The following PTPRG variants were observed in gnomAD, a reference collection of about 807,000 sequenced individuals.
PTPRG encodes protein tyrosine phosphatase receptor type G, also known as receptor-type tyrosine-protein phosphatase gamma.
In PTPRG, 102 loss-of-function variants were observed where a neutral mutation model predicts 165.3. The ratio of observed to expected loss-of-function variants is 0.62; its 90% CI spans 0.53 to 0.73. The LOEUF (loss-of-function observed/expected upper bound fraction) is 0.73. Ranked by LOEUF, PTPRG falls within the 30% of genes least tolerant of loss-of-function variation. The pLI is 0.00. For missense variants in PTPRG, 1,866 were observed against 1,861.4 expected (o/e 1.00, Z -0.05); for synonymous variants, 675 against 669.5 (o/e 1.01, Z -0.13).
At chr3:61,647,617 C>T (rs529255046) in intron 1 of PTPRG, among the ~76,000 whole-genome samples, 21 of 151,972 alleles carry the variant, frequency 1.4e-4, no homozygotes, top group Admixed American at 6.6e-4. Flanking sequence ...AGTGAAACCC[C>T]GTCTCCACTA....
At chr3:62,286,023 G>A (rs916445671) in intron 28 of PTPRG, among the ~76,000 whole-genome samples, 1 of 152,112 alleles carries the variant, frequency 6.6e-6, no homozygotes, top group Non-Finnish European at 1.5e-5. Flanking sequence ...CACTTTTAGG[G>A]CTAATCGTAT....
chr3:61,905,502 C>T (rs531235647), intron 2 of PTPRG, among the ~76,000 whole-genome samples: 1 of 152,214 alleles, frequency 6.6e-6, no homozygotes, highest in African/African-American at 2.4e-5. Context: ...TTTTCATTTT[C>T]TCAGATTAAA....
At chr3:61,990,729 T>C (rs550648637) in intron 3 of PTPRG, among the ~76,000 whole-genome samples, 30 of 152,300 alleles carry the variant, frequency 2.0e-4, no homozygotes, top group African/African-American at 6.3e-4. Context: ...AAGCAAGTTT[T>C]TTTTTCTCTT....
chr3:62,023,143 A>G (rs958895889), intron 4 of PTPRG, among the ~76,000 whole-genome samples: 3 of 152,196 alleles, frequency 2.0e-5, no homozygotes, highest in African/African-American at 7.2e-5. Flanking sequence ...CAATAATGCT[A>G]ACAATGCATA....
intron 2 of PTPRG, among the ~76,000 whole-genome samples, chr3:61,968,255 T>G (rs778835167): frequency 3.3e-5 from 5 of 151,976 alleles, no homozygotes; most frequent in Non-Finnish European, 7.3e-5. Context: ...GATTTCATAT[T>G]CTGCTTTTTT....
intron 4 of PTPRG, among the ~76,000 whole-genome samples, chr3:62,044,538 C>CAAA (rs144902203): frequency 7.2e-6 from 1 of 139,476 alleles, no homozygotes; most frequent in African/African-American, 2.7e-5. Context: ...GACTGTATCT[C>CAAA]AAAAAAAAAA....
intron 2 of PTPRG, among the ~76,000 whole-genome samples, chr3:61,987,406 G>T (rs1400388348): frequency 6.6e-6 from 1 of 152,184 alleles, no homozygotes; most frequent in African/African-American, 2.4e-5. Flanking sequence ...TGTCTGGAAG[G>T]TTATGAGAAC....
At chr3:62,067,795 G>A (rs1273878487) in intron 4 of PTPRG, among the ~76,000 whole-genome samples, 1 of 152,106 alleles carries the variant, frequency 6.6e-6, no homozygotes, top group African/African-American at 2.4e-5. Context: ...GCTATGAGGA[G>A]CAGCTGTAAA....
At chr3:62,264,534 G>T (rs1576193731) in intron 17 of PTPRG, among the ~76,000 whole-genome samples, 1 of 152,004 alleles carries the variant, frequency 6.6e-6, no homozygotes. Context: ...CATATAAACA[G>T]ATTCATACTA....
chr3:61,940,922 C>G (rs142892821), intron 2 of PTPRG, among the ~76,000 whole-genome samples: 225 of 152,100 alleles, frequency 1.5e-3, no homozygotes, highest in African/African-American at 5.2e-3. Flanking sequence ...CCTCGGCCTC[C>G]CAAAGTGCTG....
intron 2 of PTPRG, among the ~76,000 whole-genome samples, chr3:61,986,835 T>A (rs1273444955): frequency 6.6e-6 from 1 of 152,192 alleles, no homozygotes. Context: ...ATGGGTAATA[T>A]CATGTCTGAG....
intron 8 of PTPRG, 42 bp downstream of exon 8, chr3:62,168,205 A>T: frequency 6.6e-7 from 1 of 1,521,714 alleles, no homozygotes; most frequent in Non-Finnish European, 8.9e-7. Context: ...AAGATTCCTT[A>T]TCATAAATTA....
intron 4 of PTPRG, among the ~76,000 whole-genome samples, chr3:62,045,385 G>C (rs756122995): frequency 6.6e-5 from 10 of 152,186 alleles, no homozygotes; most frequent in Non-Finnish European, 1.3e-4. Flanking sequence ...TACAAAGCTG[G>C]TGTCGAGTTA....
In PTPRG at chr3:62,281,498, G is replaced by C; in HGVS notation, c.3766-65G>C. ...GGATGGGAAATGACAAAATCCGTAT[G>C]CAAGAAATAGAAAACAAATCCTTGA... On this transcript the variant is annotated intron_variant, in intron 26 of 29. Transcript: ENST00000474889. The C allele has an allele frequency of 1.5e-6, 2 of 1,342,190 alleles. 1 individual carries two copies. Among genetic ancestry groups the C allele is most frequent in the Non-Finnish European group, 2.0e-6 (2 of 1,018,736 alleles). 83.1% of individuals were successfully genotyped at this position (1,342,190 alleles called of 1,614,324 possible).
intron 2 of PTPRG, among the ~76,000 whole-genome samples, chr3:61,796,248 C>A (rs55831348): frequency 6.6e-6 from 1 of 152,150 alleles, no homozygotes; most frequent in Admixed American, 6.5e-5. Flanking sequence ...TTAGTCCACA[C>A]GCAGATAACT....
chr3:61,793,232 C>CT (rs1336912024), intron 2 of PTPRG, among the ~76,000 whole-genome samples: 1 of 152,182 alleles, frequency 6.6e-6, no homozygotes, highest in Non-Finnish European at 1.5e-5. Flanking sequence ...GAGTGGACCA[C>CT]TTACCCAGCC....
intron 3 of PTPRG, among the ~76,000 whole-genome samples, chr3:61,992,696 A>G (rs1211674002): frequency 6.6e-6 from 1 of 152,086 alleles, no homozygotes; most frequent in Admixed American, 6.5e-5. Flanking sequence ...TAATTTCTGT[A>G]TTTTTAGTAG....
At chr3:61,643,301 CAGACAGACAG>C (rs1702115587) in intron 1 of PTPRG, among the ~76,000 whole-genome samples, 1 of 150,402 alleles carries the variant, frequency 6.6e-6, no homozygotes, top group African/African-American at 2.4e-5. Context: ...GAGACAGAGA[CAGACAGACAG>C]AGACAGACAT....
intron 2 of PTPRG, among the ~76,000 whole-genome samples, chr3:61,861,737 G>A (rs1490381844): frequency 6.6e-6 from 1 of 152,154 alleles, no homozygotes; most frequent in Non-Finnish European, 1.5e-5. Context: ...TCAATGCAGA[G>A]TTTCTTCAAC....
Sources: allele counts gnomAD v4.1 joint callset (sites outside exome capture counted in the v4.1 genomes callset), GRCh38; gene constraint gnomAD v4.1.1; transcripts MANE v1.5; gene names NCBI Gene and HGNC (gene_info 2026-07-23, HGNC 2026-07-21).